The following ST6GALNAC3 variants were observed in gnomAD, a reference collection of about 807,000 sequenced individuals.
ST6GALNAC3 encodes alpha-N-acetylgalactosaminide alpha-2,6-sialyltransferase 3.
In ST6GALNAC3, 25 loss-of-function variants were observed where a neutral mutation model predicts 32.7. The observed-to-expected ratio is 0.76, with a 90% CI of 0.56 to 1.07. The LOEUF (loss-of-function observed/expected upper bound fraction) is 1.07. Among genes scored for constraint, ST6GALNAC3 ranks in the 50% least tolerant of loss-of-function variants. The pLI, the probability that ST6GALNAC3 is intolerant of heterozygous loss-of-function variation, is 0.00. For missense variants in ST6GALNAC3, 355 were observed against 382.4 expected (o/e 0.93, Z 0.60); for synonymous variants, 129 against 133.1 (o/e 0.97, Z 0.21).
chr1:76,486,731 G>C (rs1057133772), intron 3 of ST6GALNAC3, among the ~76,000 whole-genome samples: 1 of 152,200 alleles, frequency 6.6e-6, no homozygotes, highest in East Asian at 1.9e-4. Flanking sequence ...TTACATTTAA[G>C]GTTAATATTG....
chr1:76,412,187 C>G lies in ST6GALNAC3; in HGVS notation c.393C>G (p.Thr131=). The G allele has an allele frequency of 6.2e-7, 1 of 1,613,656 alleles. No individual in the cohort carries two copies. Among genetic ancestry groups the G allele is most frequent in the South Asian group, 1.1e-5 (1 of 91,064 alleles). The change falls in exon 3 of 5, where the codon ACC becomes ACG. Residue 131 remains threonine, a synonymous_variant. Coordinates refer to ENST00000328299, the MANE Select transcript of ST6GALNAC3 (RefSeq NM_152996.4). ...RMTMIRVVSH[T]SVPLLLKNPD... ...CCATGATTCGAGTTGTGTCCCATAC[C>G]AGCGTTCCTCTTTTGCTAAAAAACC...
At chr1:76,549,654 T>C (rs1012345410) in intron 3 of ST6GALNAC3, among the ~76,000 whole-genome samples, 1 of 152,178 alleles carries the variant, frequency 6.6e-6, no homozygotes, top group Non-Finnish European at 1.5e-5. Context: ...TAACATTCTT[T>C]TACATATTTT....
chr1:76,419,420 A>C lies in ST6GALNAC3; in HGVS notation c.623+7003A>C, dbSNP rs541303212. On this transcript the variant is annotated intron_variant, in intron 3 of 4. Transcript: ENST00000328299. ...GCCTTAAATGGGAAGCTTCATTAAA[A>C]TGTATACAGACTTTTAAATTTTATA... Among the ~76,000 whole-genome samples, 5 of 152,272 alleles carry C rather than the reference A, an allele frequency of 3.3e-5. No homozygotes were observed. The East Asian group carries it at 9.7e-4, about 29-fold the overall frequency.
intron 3 of ST6GALNAC3, among the ~76,000 whole-genome samples, chr1:76,594,944 A>C (rs948806405): frequency 3.9e-5 from 6 of 152,142 alleles, no homozygotes; most frequent in African/African-American, 1.2e-4. Context: ...TTTTACATTA[A>C]TATTTTTCAT....
chr1:76,186,794 GTACATGGCACCTCCATTC>G (rs1335522197), intron 1 of ST6GALNAC3, among the ~76,000 whole-genome samples: 3 of 152,154 alleles, frequency 2.0e-5, no homozygotes, highest in South Asian at 2.1e-4. Context: ...TTATGAGCTT[GTACATGGCACCTCCATTC>G]TACGGCAGTT....
intron 1 of ST6GALNAC3, among the ~76,000 whole-genome samples, chr1:76,242,375 A>G (rs966729521): frequency 8.5e-5 from 13 of 152,118 alleles, no homozygotes; most frequent in African/African-American, 3.1e-4. Flanking sequence ...TGCTGAGTGC[A>G]TCACGTCTGT....
chr1:76,491,004 A>C (rs954003738), intron 3 of ST6GALNAC3, among the ~76,000 whole-genome samples: 27 of 151,812 alleles, frequency 1.8e-4, no homozygotes, highest in African/African-American at 5.3e-4. Context: ...GATTACGGAC[A>C]TGCGCCACCA....
chr1:76,524,714 GT>G (rs199723434), intron 3 of ST6GALNAC3, among the ~76,000 whole-genome samples: 13,082 of 140,068 alleles, frequency 0.093, 1,549 homozygotes, highest in African/African-American at 0.29. Flanking sequence ...AAATATTTCA[GT>G]TTTTTTTTTT....
At chr1:76,433,252 T>C (rs1655899212) in intron 3 of ST6GALNAC3, among the ~76,000 whole-genome samples, 1 of 152,160 alleles carries the variant, frequency 6.6e-6, no homozygotes, top group South Asian at 2.1e-4. Flanking sequence ...TTTGTTCCTG[T>C]TTTGATTTCA....
chr1:76,511,329 C>T (rs1661844602), intron 3 of ST6GALNAC3, among the ~76,000 whole-genome samples: 2 of 152,188 alleles, frequency 1.3e-5, no homozygotes, highest in South Asian at 4.1e-4. Flanking sequence ...CTTTTCCACC[C>T]ACTCTCATCA....
At chr1:76,432,435 T>A (rs1655822635) in intron 3 of ST6GALNAC3, among the ~76,000 whole-genome samples, 1 of 147,230 alleles carries the variant, frequency 6.8e-6, no homozygotes, top group African/African-American at 2.5e-5. Context: ...CTAAGTTGCC[T>A]TTATTGCCTT....
In ST6GALNAC3 at chr1:76,412,211, C is replaced by A; in HGVS notation, c.417C>A (p.Asn139Lys). The A allele has an allele frequency of 6.2e-7, 1 of 1,613,638 alleles. No individual in the cohort carries two copies. The change falls in exon 3 of 5, where the codon AAC becomes AAA. Residue 139 changes from asparagine to lysine, a missense_variant. By Grantham distance (94) the Asn-to-Lys change is moderately conservative. Transcript: ENST00000328299. ...SHTSVPLLLKNPDYFFKEANT... is the reference protein window; with the variant it reads ...SHTSVPLLLKKPDYFFKEANT... ...CCAGCGTTCCTCTTTTGCTAAAAAA[C>A]CCTGATTATTTTTTCAAGGAAGCGA...
In ST6GALNAC3 at chr1:76,546,454, A is replaced by C. The variant is rs1664304244; in HGVS notation, c.624-80998A>C. ...TATTCATGACCTGGATGGAAAAAAA[A>C]GGAAGAAGCTGCTCCTTTTTAGAAT... On this transcript the variant is annotated intron_variant, in intron 3 of 4. Transcript: ENST00000328299. 3.3e-5 allele frequency among the ~76,000 whole-genome samples: 5 copies of C among 152,304 alleles called. 1 individual carries two copies. The South Asian group carries it at 1.0e-3, about 32-fold the overall frequency.
At chr1:76,212,947 C>T (rs529240823) in intron 1 of ST6GALNAC3, among the ~76,000 whole-genome samples, 5 of 152,158 alleles carry the variant, frequency 3.3e-5, no homozygotes, top group Non-Finnish European at 7.3e-5. Flanking sequence ...AAGTCTGACC[C>T]GTTCTGTGCT....
intron 3 of ST6GALNAC3, among the ~76,000 whole-genome samples, chr1:76,471,299 G>A (rs951985540): frequency 6.6e-6 from 1 of 152,062 alleles, no homozygotes; most frequent in African/African-American, 2.4e-5. Context: ...TTCATCTACT[G>A]TCTATAGCAC....
intron 2 of ST6GALNAC3, among the ~76,000 whole-genome samples, chr1:76,363,075 C>T (rs1015288213): frequency 1.3e-5 from 2 of 152,218 alleles, no homozygotes; most frequent in Non-Finnish European, 2.9e-5. Context: ...CCTAGACATC[C>T]AGGCTTTTCT....
intron 1 of ST6GALNAC3, among the ~76,000 whole-genome samples, chr1:76,079,478 G>A (rs1287292483): frequency 6.6e-6 from 1 of 152,092 alleles, no homozygotes; most frequent in Non-Finnish European, 1.5e-5. Context: ...TATATTGGAA[G>A]TGGACATTGA....
chr1:76,215,448 T>C (rs1268342346), intron 1 of ST6GALNAC3, among the ~76,000 whole-genome samples: 2 of 152,174 alleles, frequency 1.3e-5, no homozygotes, highest in African/African-American at 4.8e-5. Flanking sequence ...CAGAGATTAA[T>C]TAATTGATGT....
chr1:76,443,255 G>T (rs935803893), intron 3 of ST6GALNAC3, among the ~76,000 whole-genome samples: 2 of 152,110 alleles, frequency 1.3e-5, no homozygotes, highest in Admixed American at 1.3e-4. Context: ...TTTAGCTTAA[G>T]CCACCCTTCT....
Sources: allele counts gnomAD v4.1 joint callset (sites outside exome capture counted in the v4.1 genomes callset), GRCh38; gene constraint gnomAD v4.1.1; transcripts MANE v1.5; gene names NCBI Gene and HGNC (gene_info 2026-07-23, HGNC 2026-07-21).